The following GALM variants were observed in gnomAD, a reference collection of about 807,000 sequenced individuals.
GALM encodes the protein galactose mutarotase.
In GALM, 43 loss-of-function variants were observed where a neutral mutation model predicts 37.4. The ratio of observed to expected loss-of-function variants is 1.15; its 90% CI spans 0.90 to 1.48. The LOEUF (loss-of-function observed/expected upper bound fraction) is 1.48. Among genes scored for constraint, GALM ranks in the 40% most tolerant of loss-of-function variants. The pLI is 0.00. For synonymous variants in GALM, 199 were observed against 170.6 expected, an observed-to-expected ratio of 1.17 and a Z score of -1.30; for missense variants, 456 against 419.1, an observed-to-expected ratio of 1.09 and a Z score of -0.77.
At chr2:38,703,092 ATTTTTTTTTTTTTTTTT>A (rs1172635009) in intron 4 of GALM, among the ~76,000 whole-genome samples, 1 of 7,964 alleles carries the variant, frequency 1.3e-4, no homozygotes, top group Non-Finnish European at 2.0e-4. Context: ...ATATATATAT[ATTTTTTTTTTTTTTTTT>A]TTTTTTTTTT....
At position 38,666,146 on chromosome 2, in the gene GALM, A is replaced by C. The variant is rs202040902; in HGVS notation, c.-16A>C. The C allele has an allele frequency of 8.7e-6, 14 of 1,602,788 alleles. No homozygotes were observed. Among genetic ancestry groups the C allele is most frequent in the African/African-American group, 1.3e-5 (1 of 74,706 alleles). On this transcript the variant is annotated 5_prime_UTR_variant, in exon 1 of 7. Coordinates refer to ENST00000272252, the MANE Select transcript of GALM (RefSeq NM_138801.3). ...TTTGAAGAGCGGGCAGTGGCTGCACACGCCAAACTTTCCCTATGGCTTCGG... is the reference window on the plus strand; with the variant it reads ...TTTGAAGAGCGGGCAGTGGCTGCACCCGCCAAACTTTCCCTATGGCTTCGG...
At chr2:38,701,718 C>T (rs1395179523) in intron 4 of GALM, among the ~76,000 whole-genome samples, 1 of 152,110 alleles carries the variant, frequency 6.6e-6, no homozygotes, top group Non-Finnish European at 1.5e-5. Flanking sequence ...ATAATTACCT[C>T]CCTGGGGCAG....
At chr2:38,703,924 A>G (rs1038794917) in intron 4 of GALM, among the ~76,000 whole-genome samples, 1 of 152,034 alleles carries the variant, frequency 6.6e-6, no homozygotes, top group African/African-American at 2.4e-5. Flanking sequence ...CTGAGGCACA[A>G]GAATTGCTTT....
intron 3 of GALM, among the ~76,000 whole-genome samples, chr2:38,687,573 G>T (rs1223548854): frequency 6.6e-6 from 1 of 151,898 alleles, no homozygotes; most frequent in Non-Finnish European, 1.5e-5. Context: ...AGCCTAGCAT[G>T]GTGGTGGGCA....
intron 2 of GALM, among the ~76,000 whole-genome samples, chr2:38,677,372 C>T (rs1665283403): frequency 1.3e-5 from 2 of 152,176 alleles, no homozygotes; most frequent in Admixed American, 1.3e-4. Context: ...AGGAGGCTTC[C>T]CCGCCTCCAT....
chr2:38,704,064 A>C (rs1363597068), intron 4 of GALM, among the ~76,000 whole-genome samples: 1 of 151,708 alleles, frequency 6.6e-6, no homozygotes, highest in African/African-American at 2.4e-5. Flanking sequence ...AATAAAATAA[A>C]ATAAATTCTA....
At chr2:38,728,622 T>C (rs949069941) in intron 4 of GALM, among the ~76,000 whole-genome samples, 1 of 151,992 alleles carries the variant, frequency 6.6e-6, no homozygotes, top group Non-Finnish European at 1.5e-5. Flanking sequence ...GAGGCGGAGG[T>C]TGCACTGAGC....
chr2:38,686,953 T>C (rs1305106741), intron 3 of GALM, among the ~76,000 whole-genome samples: 1 of 152,234 alleles, frequency 6.6e-6, no homozygotes, highest in African/African-American at 2.4e-5. Flanking sequence ...TTGGTCCACC[T>C]GGGTTCTCTT....
intron 4 of GALM, among the ~76,000 whole-genome samples, chr2:38,714,727 T>C (rs975304686): frequency 6.6e-6 from 1 of 152,212 alleles, no homozygotes; most frequent in Non-Finnish European, 1.5e-5. Flanking sequence ...TTCCAATTTG[T>C]GAACCACTCC....
intron 3 of GALM, among the ~76,000 whole-genome samples, chr2:38,686,389 C>T (rs540400731): frequency 1.3e-5 from 2 of 151,810 alleles, no homozygotes; most frequent in African/African-American, 4.8e-5. Flanking sequence ...CCTCAGCCTC[C>T]CGAGTAGCTG....
In GALM at chr2:38,677,632, C is replaced by A. The variant is rs186945651; in HGVS notation, c.345+1566C>A. Among the ~76,000 whole-genome samples, 16 of 152,330 alleles carry A rather than the reference C, an allele frequency of 1.1e-4. No homozygotes were observed. In the East Asian group the frequency reaches 2.5e-3, roughly 24 times the overall value. ...CTCGTTCTAGCTTGCCCCTGCTCCC[C>A]CTGTTCACTGTGGCATTTTCCGTGG... On this transcript the variant is annotated intron_variant, in intron 2 of 6. Coordinates refer to ENST00000272252, the MANE Select transcript of GALM (RefSeq NM_138801.3).
chr2:38,722,134 T>C (rs1572541900), intron 4 of GALM, among the ~76,000 whole-genome samples: 1 of 142,202 alleles, frequency 7.0e-6, no homozygotes, highest in African/African-American at 2.6e-5. Flanking sequence ...CGGAGGCAGC[T>C]GGATCACTTG....
intron 1 of GALM, chr2:38,668,075 A>G (rs1665001962): frequency 6.6e-6 from 1 of 152,236 alleles, no homozygotes; most frequent in African/African-American, 2.4e-5. Context: ...TCCATGTTCC[A>G]TTGGACCTAA....
intron 3 of GALM, among the ~76,000 whole-genome samples, chr2:38,689,171 A>C (rs1000930175): frequency 6.6e-6 from 1 of 152,190 alleles, no homozygotes; most frequent in Admixed American, 6.5e-5. Context: ...AGGTTAAATG[A>C]ATTCCCTGGG....
intron 4 of GALM, among the ~76,000 whole-genome samples, chr2:38,722,457 G>A (rs1376237593): frequency 6.6e-6 from 1 of 152,098 alleles, no homozygotes; most frequent in African/African-American, 2.4e-5. Context: ...TAGATTGTTG[G>A]GTCAGAGCCC....
chr2:38,698,005 G>T (rs1017444522), intron 4 of GALM, among the ~76,000 whole-genome samples: 2 of 151,670 alleles, frequency 1.3e-5, no homozygotes, highest in Non-Finnish European at 2.9e-5. Context: ...GTACAGTGGT[G>T]CAGTCTCGGC....
chr2:38,686,390 C>T (rs998581594), intron 3 of GALM, among the ~76,000 whole-genome samples: 2 of 151,668 alleles, frequency 1.3e-5, no homozygotes, highest in Admixed American at 6.6e-5. Context: ...CTCAGCCTCC[C>T]GAGTAGCTGG....
intron 5 of GALM, among the ~76,000 whole-genome samples, chr2:38,730,075 G>T (rs1666570355): frequency 6.6e-6 from 1 of 152,164 alleles, no homozygotes; most frequent in Non-Finnish European, 1.5e-5. Context: ...CCAGTTGGAG[G>T]CTAGGCATCT....
At chr2:38,714,540 C>T (rs1010601579) in intron 4 of GALM, among the ~76,000 whole-genome samples, 1 of 152,082 alleles carries the variant, frequency 6.6e-6, no homozygotes, top group Non-Finnish European at 1.5e-5. Flanking sequence ...AGGGTGTAAC[C>T]CACTTGGCTC....
Sources: allele counts gnomAD v4.1 joint callset (sites outside exome capture counted in the v4.1 genomes callset), GRCh38; gene constraint gnomAD v4.1.1; transcripts MANE v1.5; gene names NCBI Gene and HGNC (gene_info 2026-07-23, HGNC 2026-07-21).